The following MINPP1 variants were observed in gnomAD, a reference collection of about 807,000 sequenced individuals.
MINPP1 encodes the protein multiple inositol-polyphosphate phosphatase 1, also known as multiple inositol polyphosphate phosphatase 1.
In MINPP1, 28 loss-of-function variants were observed where a neutral mutation model predicts 46.1. The observed-to-expected ratio is 0.61, with a 90% CI of 0.45 to 0.83. The LOEUF (loss-of-function observed/expected upper bound fraction) is 0.83. MINPP1 is among the 40% of genes least tolerant of loss of function. The pLI, the probability that MINPP1 is intolerant of heterozygous loss-of-function variation, is 0.00. For missense variants in MINPP1, 603 were observed against 610.0 expected (o/e 0.99, Z 0.12); for synonymous variants, 268 against 249.1 (o/e 1.08, Z -0.72).
chr10:87,507,827 A>G, intron 1 of MINPP1: 1 of 1,030,410 alleles, frequency 9.7e-7, no homozygotes, highest in Non-Finnish European at 1.2e-6. Flanking sequence ...GACCCAAAAC[A>G]TCAGTGCGTT....
chr10:87,505,617 TC>T lies in MINPP1; in HGVS notation c.637+70del. ...CACCCGCCCTGGATGCTCTCCCGCC[TC>T]CCCCAGACCCTGGGCTTTTCCGATG... On this transcript the variant is annotated intron_variant, in intron 1 of 4. Coordinates refer to ENST00000371996, the MANE Select transcript of MINPP1 (RefSeq NM_004897.5). This position sits in a 1 kb window ranked among gnomAD's most constrained non-coding sequence, Gnocchi z 4.4. 2.8e-6 allele frequency: 4 copies of T among 1,454,260 alleles called. No individual in the cohort carries two copies. Among genetic ancestry groups the T allele is most frequent in the Non-Finnish European group, 3.7e-6 (4 of 1,089,206 alleles). The allele number at this position is 1,454,260 out of a possible 1,614,324, so 90.1% of individuals were successfully genotyped here.
chr10:87,504,919 C>T lies in MINPP1; in HGVS notation c.4C>T (p.Leu2=), dbSNP rs747187209. Reference sequence around the variant, plus strand: ...CACTCCACTGACCGTCCCGACGATGCTACGCGCGCCCGGCTGCCTCCTCCG... The same window carrying T: ...CACTCCACTGACCGTCCCGACGATGTTACGCGCGCCCGGCTGCCTCCTCCG... M[L]RAPGCLLRTS... Residue 2 remains leucine, a synonymous_variant, in exon 1 of 5, where the codon CTA becomes TTA. Coordinates refer to ENST00000371996, the MANE Select transcript of MINPP1 (RefSeq NM_004897.5). 1.1e-5 allele frequency: 18 copies of T among 1,610,400 alleles called. No homozygotes were observed. Among genetic ancestry groups the T allele is most frequent in the East Asian group, 1.1e-4 (5 of 44,836 alleles).
chr10:87,542,649 A>G (rs1412927883), intron 4 of MINPP1, among the ~76,000 whole-genome samples: 1 of 151,604 alleles, frequency 6.6e-6, no homozygotes, highest in Non-Finnish European at 1.5e-5. Flanking sequence ...GCCATGTGAA[A>G]CCTGCTTCCC....
chr10:87,513,094 C>A (rs1851358891), intron 2 of MINPP1, 30 bp from the exon 3 acceptor site: 1 of 1,544,322 alleles, frequency 6.5e-7, no homozygotes, highest in South Asian at 1.1e-5. Flanking sequence ...AAATAATGAC[C>A]CACAAAATTT....
intron 4 of MINPP1, among the ~76,000 whole-genome samples, chr10:87,524,359 G>A (rs1407884197): frequency 6.6e-6 from 1 of 152,178 alleles, no homozygotes; most frequent in African/African-American, 2.4e-5. Context: ...AGGAGAGTTA[G>A]AGCCTTGCTG....
At chr10:87,520,612 A>T (rs551696514) in intron 3 of MINPP1, among the ~76,000 whole-genome samples, 1 of 152,136 alleles carries the variant, frequency 6.6e-6, no homozygotes. Flanking sequence ...CTGTGCTTTA[A>T]TGAATATTCT....
At position 87,508,319 on chromosome 10, in the gene MINPP1, A is replaced by AT. The variant is rs767602733; in HGVS notation, c.638-10dup. On this transcript the variant is annotated splice_polypyrimidine_tract_variant and intron_variant, in intron 1 of 4. Coordinates refer to ENST00000371996, the MANE Select transcript of MINPP1 (RefSeq NM_004897.5). ...GTCAGTGATTTACAAATACATATAA[A>AT]TTTTTTTCTCTTTCAGATATGGAGT... The AT allele has an allele frequency of 1.2e-6, 2 of 1,610,440 alleles. No homozygotes were observed. Among genetic ancestry groups the AT allele is most frequent in the South Asian group, 1.1e-5 (1 of 90,534 alleles).
chr10:87,541,116 TACTTA>T (rs1188618080), intron 4 of MINPP1, among the ~76,000 whole-genome samples: 8 of 152,246 alleles, frequency 5.3e-5, no homozygotes, highest in Admixed American at 5.2e-4. Context: ...GACACTATGC[TACTTA>T]ACTTTGTCAA....
intron 4 of MINPP1, among the ~76,000 whole-genome samples, chr10:87,538,005 G>A (rs976554554): frequency 6.6e-6 from 1 of 150,902 alleles, no homozygotes. Flanking sequence ...TTTTCTCACT[G>A]TGTTGCCCAG....
chr10:87,509,141 C>G (rs1446821578), intron 2 of MINPP1, among the ~76,000 whole-genome samples: 3 of 152,148 alleles, frequency 2.0e-5, no homozygotes, highest in Non-Finnish European at 4.4e-5. Flanking sequence ...GGTGGGAAAC[C>G]ATGGCACATG....
chr10:87,547,762 A>G (rs1372319489), intron 4 of MINPP1, among the ~76,000 whole-genome samples: 1 of 152,120 alleles, frequency 6.6e-6, no homozygotes, highest in Non-Finnish European at 1.5e-5. Flanking sequence ...GCACACCACT[A>G]ATTTGTGTGC....
chr10:87,515,877 G>A (rs1851407108), intron 3 of MINPP1, among the ~76,000 whole-genome samples: 1 of 142,746 alleles, frequency 7.0e-6, no homozygotes, highest in Non-Finnish European at 1.5e-5. Context: ...CGCCCAGGCT[G>A]GAGTGCAGTG....
intron 4 of MINPP1, among the ~76,000 whole-genome samples, chr10:87,538,668 TAAC>T (rs1057268735): frequency 5.3e-5 from 8 of 152,228 alleles, no homozygotes; most frequent in Non-Finnish European, 1.2e-4. Context: ...GTGGAAGACT[TAAC>T]AACAAATTTT....
chr10:87,506,245 A>G (rs1851248132), intron 1 of MINPP1, among the ~76,000 whole-genome samples: 1 of 151,970 alleles, frequency 6.6e-6, no homozygotes, highest in African/African-American at 2.4e-5. Context: ...GAAATCATCT[A>G]GTAAGGCCCC....
intron 4 of MINPP1, among the ~76,000 whole-genome samples, chr10:87,523,795 C>T (rs965909919): frequency 8.5e-5 from 13 of 152,128 alleles, no homozygotes; most frequent in Admixed American, 4.6e-4. Flanking sequence ...TCCATCAGAG[C>T]TCTTGGATGA....
intron 4 of MINPP1, among the ~76,000 whole-genome samples, chr10:87,536,453 T>A (rs1173952688): frequency 6.6e-6 from 1 of 151,958 alleles, no homozygotes; most frequent in African/African-American, 2.4e-5. Context: ...ATATTTAAAG[T>A]GTACAATTTG....
chr10:87,553,151 AATT>A lies in MINPP1; in HGVS notation c.*679_*681del, dbSNP rs1246617923. 10 of 152,110 alleles carry A rather than the reference AATT, an allele frequency of 6.6e-5. No individual in the cohort carries two copies. The highest frequency in any genetic ancestry group is 1.9e-4 in the East Asian group (1 of 5,202). 9.4% of individuals were successfully genotyped at this position (152,110 alleles called of 1,614,324 possible). On this transcript the variant is annotated 3_prime_UTR_variant, in exon 5 of 5. Coordinates refer to ENST00000371996, the MANE Select transcript of MINPP1 (RefSeq NM_004897.5). ...TAGGAAGTCTCAAAAGACCATCTTA[AATT>A]ATTATATGTTTGGACAATTAGCAAC...
At chr10:87,541,852 A>G (rs2131837728) in intron 4 of MINPP1, among the ~76,000 whole-genome samples, 1 of 152,274 alleles carries the variant, frequency 6.6e-6, no homozygotes, top group South Asian at 2.1e-4. Flanking sequence ...GGATGATGCT[A>G]AACCATTTGA....
chr10:87,518,660 A>G (rs1483024351), intron 3 of MINPP1, among the ~76,000 whole-genome samples: 4 of 152,162 alleles, frequency 2.6e-5, no homozygotes, highest in South Asian at 2.1e-4. Context: ...TCAGTCCCCA[A>G]GTGCCCCATC....
Sources: gnomAD v4.1 joint callset for allele counts (sites outside exome capture counted in the v4.1 genomes callset) on GRCh38, gnomAD v4.1.1 for gene constraint, Gnocchi (gnomAD v3.1) non-coding constraint, MANE v1.5 for transcripts, NCBI Gene and HGNC (gene_info 2026-07-23, HGNC 2026-07-21) for gene names.